STK32C: variants seen among roughly 807,000 people sequenced by gnomAD.
STK32C encodes the protein serine/threonine-protein kinase 32C.
Under a neutral mutation model 56.5 loss-of-function variants are expected in STK32C, and 31 were observed. The ratio of observed to expected loss-of-function variants is 0.55; its 90% CI spans 0.41 to 0.74. The LOEUF is 0.74. STK32C is among the 30% of genes least tolerant of loss of function. The probability of loss-of-function intolerance (pLI) is 0.00; values close to 1 mark genes in which losing one functional copy is unlikely to be tolerated. For missense variants in STK32C, 544 were observed against 676.9 expected, an observed-to-expected ratio of 0.80 and a Z score of 2.18; for synonymous variants, 309 against 289.4, an observed-to-expected ratio of 1.07 and a Z score of -0.69.
intron 2 of STK32C, among the ~76,000 whole-genome samples, chr10:132,239,308 C>T (rs1417778190): frequency 6.6e-6 from 1 of 152,212 alleles, no homozygotes; most frequent in East Asian, 1.9e-4. Context: ...ACCCAGTAAA[C>T]ATTCTCTGGA....
chr10:132,255,836 CGCTGCCCACGCATCTCCGAGGGCCCA>C lies in STK32C; in HGVS notation c.263-9907_263-9882del. 6.6e-6 allele frequency among the ~76,000 whole-genome samples: 1 copy of C among 152,312 alleles called. No homozygotes were observed. Among genetic ancestry groups the C allele is most frequent in the South Asian group, 2.1e-4 (1 of 4,830 alleles). On this transcript the variant is annotated intron_variant, in intron 1 of 11. Transcript: ENST00000298630. The surrounding 1 kb of genome is among the most constrained non-coding windows in gnomAD (Gnocchi z 4.6). ...CAGCACCATGGCCCAGCATTACGTG[CGCTGCCCACGCATCTCCGAGGGCCCA>C]GCTGGCCACCTTCTCCTTCTCCACC...
chr10:132,309,587 C>T (rs2066181990), upstream of STK32C, among the ~76,000 whole-genome samples: 1 of 152,214 alleles, frequency 6.6e-6, no homozygotes, highest in Non-Finnish European at 1.5e-5. Flanking sequence ...AAGCTCTGTT[C>T]CCTGCTCTCC....
At chr10:132,256,831 T>C (rs1434148376) in intron 1 of STK32C, among the ~76,000 whole-genome samples, 2 of 152,196 alleles carry the variant, frequency 1.3e-5, no homozygotes, top group Non-Finnish European at 2.9e-5. Flanking sequence ...GCACAGATGC[T>C]TGGGGACCCC....
rs188430152 is a variant in STK32C, at chr10:132,261,216, C to A, written c.263-15261G>T. On this transcript the variant is annotated intron_variant, in intron 1 of 11. Transcript: ENST00000298630. ...TTCCCATGGGGAGGCTGTGGAGTTG[C>A]CAGGTGGCTGGAGAATCTCCCCGGG... Among the ~76,000 whole-genome samples, 5 of 150,646 alleles carry A rather than the reference C, an allele frequency of 3.3e-5. No individual in the cohort carries two copies. The East Asian group carries it at 9.7e-4, about 29-fold the overall frequency.
At chr10:132,330,313 T>A in intron 1 of STK32C, 1 of 639,924 alleles carries the variant, frequency 1.6e-6, no homozygotes, top group African/African-American at 1.8e-5. Context: ...GTTTTATTTG[T>A]GAAAAGAGAT....
At chr10:132,267,534 C>T (rs1418650644) in intron 1 of STK32C, among the ~76,000 whole-genome samples, 1 of 145,568 alleles carries the variant, frequency 6.9e-6, no homozygotes, top group Non-Finnish European at 1.5e-5. Context: ...TGTGTGCATG[C>T]ATGTTCAGCT....
chr10:132,208,113 G>T lies in STK32C; in HGVS notation c.1358C>A (p.Pro453His). ...RSQDLPREPL[P>H]APESRDAAEP... ...CGCAGCATCCCTGGACTCAGGGGCGGGGAGAGGCTCCCTCGGGAGGTCCTG... is the reference window on the plus strand; with the variant it reads ...CGCAGCATCCCTGGACTCAGGGGCGTGGAGAGGCTCCCTCGGGAGGTCCTG... Residue 453 changes from proline (P) to histidine (H), a missense_variant, in exon 12 of 12, where the codon CCC (proline) becomes CAC (histidine). Physicochemically the swap from Pro to His is moderately conservative, Grantham distance 77. Transcript: ENST00000298630. 1.5e-6 allele frequency: 2 copies of T among 1,311,158 alleles called. No homozygotes were observed. Among genetic ancestry groups the T allele is most frequent in the African/African-American group, 3.0e-5 (2 of 66,524 alleles). The allele number at this position is 1,311,158 out of a possible 1,614,324, so 81.2% of individuals were successfully genotyped here.
At chr10:132,229,067 C>G (rs577104840) in intron 2 of STK32C, among the ~76,000 whole-genome samples, 21 of 152,308 alleles carry the variant, frequency 1.4e-4, no homozygotes, top group Admixed American at 1.1e-3. Flanking sequence ...GCAGGGGGGT[C>G]CCTTGTGGCC....
Position 132,307,793 on chromosome 10 carries a change from G to A in STK32C, c.41C>T (p.Ala14Val), listed in dbSNP as rs556262993. 16,595 of 995,382 alleles carry A rather than the reference G, an allele frequency of 0.017. 218 individuals are homozygous for A. The highest frequency in any genetic ancestry group is 0.048 in the South Asian group (1,099 of 22,730). The allele number at this position is 995,382 out of a possible 1,614,324, so 61.7% of individuals were successfully genotyped here. The change falls in exon 1 of 12, where the codon GCG (alanine) becomes GTG (valine). Residue 14 changes from alanine (A) to valine (V), a missense_variant. By Grantham distance (64) the Ala-to-Val change is moderately conservative. Transcript: ENST00000298630. The surrounding 1 kb of genome is among the most constrained non-coding windows in gnomAD (Gnocchi z 4.4). ...GCCGGGGGGCGGCGAGCCCGGGGAC[G>A]CCGCGGCGCTGCTGCCCCTGCGCTC... ...GAERRGSSAA[A>V]SPGSPPPGRA... is the part of the protein sequence containing the mutation.
chr10:132,291,636 C>G, intron 1 of STK32C, among the ~76,000 whole-genome samples: 1 of 152,296 alleles, frequency 6.6e-6, no homozygotes, highest in Non-Finnish European at 1.5e-5. Context: ...CCATCCTTCA[C>G]GCATCCAGAC....
intron 10 of STK32C, among the ~76,000 whole-genome samples, chr10:132,212,182 A>G (rs1001758913): frequency 1.8e-4 from 27 of 152,238 alleles, no homozygotes; most frequent in Middle Eastern, 3.2e-3. Flanking sequence ...GGGGATTCAC[A>G]GATCCTGATT....
At chr10:132,267,553 G>C (rs1185139480) in intron 1 of STK32C, among the ~76,000 whole-genome samples, 2 of 149,250 alleles carry the variant, frequency 1.3e-5, no homozygotes, top group African/African-American at 5.0e-5. Flanking sequence ...CTCTATGCCT[G>C]TGTGCATGCA....
intron 1 of STK32C, among the ~76,000 whole-genome samples, chr10:132,253,132 T>C (rs1468486849): frequency 6.6e-6 from 1 of 152,244 alleles, no homozygotes; most frequent in Non-Finnish European, 1.5e-5. Flanking sequence ...CAGAGAGTTT[T>C]GCCACCATCT....
In STK32C at chr10:132,266,372, C is replaced by T. The variant is rs542858492; in HGVS notation, c.263-20417G>A. Among the ~76,000 whole-genome samples the T allele has an allele frequency of 8.5e-5, 13 of 152,254 alleles. 1 individual carries two copies. In the South Asian group the frequency reaches 2.5e-3, roughly 29 times the overall value. On this transcript the variant is annotated intron_variant, in intron 1 of 11. Transcript: ENST00000298630. ...AGAGAACTTTCCAGAAGGAGGACAACGTTCTCTGTCTCCATGGGGGGTCTT... is the reference window on the plus strand; with the variant it reads ...AGAGAACTTTCCAGAAGGAGGACAATGTTCTCTGTCTCCATGGGGGGTCTT...
chr10:132,307,548 C>A lies in STK32C; in HGVS notation c.262+24G>T. On this transcript the variant is annotated intron_variant, in intron 1 of 11. Transcript: ENST00000298630. This position sits in a 1 kb window ranked among gnomAD's most constrained non-coding sequence, Gnocchi z 4.4. Reference sequence around the variant, plus strand: ...CCCCTGCAATAGCGCGCGGCCCCCACGTCGTCCCCGTGCCCGCACTCACCG... The same window carrying A: ...CCCCTGCAATAGCGCGCGGCCCCCAAGTCGTCCCCGTGCCCGCACTCACCG... 1.3e-6 allele frequency: 2 copies of A among 1,530,670 alleles called. No homozygotes were observed. The allele number at this position is 1,530,670 out of a possible 1,614,324, so 94.8% of individuals were successfully genotyped here. A position where few individuals can be genotyped will look rare whatever the true frequency, so the allele number is the denominator to read the frequency against.
At chr10:132,244,513 C>T (rs149932649) in intron 2 of STK32C, among the ~76,000 whole-genome samples, 1 of 152,292 alleles carries the variant, frequency 6.6e-6, no homozygotes, top group Non-Finnish European at 1.5e-5. Context: ...CCCCAGGAAA[C>T]AGCACCTGCA....
chr10:132,293,106 A>G (rs2138315571), intron 1 of STK32C, among the ~76,000 whole-genome samples: 1 of 152,352 alleles, frequency 6.6e-6, no homozygotes, highest in South Asian at 2.1e-4. Flanking sequence ...CGGGGCGGTC[A>G]GTGCAGCGCG....
upstream of STK32C, among the ~76,000 whole-genome samples, chr10:132,308,892 A>G (rs2066166329): frequency 6.6e-6 from 1 of 152,144 alleles, no homozygotes; most frequent in Non-Finnish European, 1.5e-5. Context: ...GCGGCTCTGC[A>G]TGGAGCCTCG....
intron 1 of STK32C, among the ~76,000 whole-genome samples, chr10:132,251,141 G>C (rs2137984814): frequency 6.6e-6 from 1 of 152,320 alleles, no homozygotes; most frequent in African/African-American, 2.4e-5. Context: ...TGGGGGTCTA[G>C]GAGCCACCAT....
Sources: gnomAD v4.1 joint callset for allele counts (sites outside exome capture counted in the v4.1 genomes callset) on GRCh38, gnomAD v4.1.1 for gene constraint, Gnocchi (gnomAD v3.1) non-coding constraint, MANE v1.5 for transcripts, NCBI Gene and HGNC (gene_info 2026-07-23, HGNC 2026-07-21) for gene names.